The following NUP210 variants were observed in gnomAD, a reference collection of about 807,000 sequenced individuals.
NUP210 encodes the protein nuclear pore membrane glycoprotein 210.
Under a neutral mutation model 196.0 loss-of-function variants are expected in NUP210, and 151 were observed. The ratio of observed to expected loss-of-function variants is 0.77; its 90% confidence interval spans 0.67 to 0.88. The LOEUF (loss-of-function observed/expected upper bound fraction) is 0.88, where lower values mean the gene tolerates loss of function less well. Ranked by LOEUF, NUP210 falls within the 40% of genes least tolerant of loss-of-function variation. NUP210 has a pLI of 0.00. For missense variants in NUP210, 2,314 were observed against 2,493.7 expected (o/e 0.93, Z 1.53); for synonymous variants, 1,070 against 1,052.7 (o/e 1.02, Z -0.32).
At chr3:13,322,406 C>T in intron 34 of NUP210, 67 bp from the exon 35 acceptor site, 1 of 1,569,482 alleles carries the variant, frequency 6.4e-7, no homozygotes, top group Non-Finnish European at 8.7e-7. Flanking sequence ...TTCCACCAGG[C>T]CTGCACAGGC....
intron 20 of NUP210, among the ~76,000 whole-genome samples, chr3:13,344,081 C>T (rs1697628385): frequency 6.6e-6 from 1 of 152,172 alleles, no homozygotes; most frequent in South Asian, 2.1e-4. Context: ...CAGGGTCTCA[C>T]TCTGTCCCCA....
chr3:13,361,931 C>T (rs1439203828), intron 14 of NUP210, among the ~76,000 whole-genome samples: 2 of 152,100 alleles, frequency 1.3e-5, no homozygotes, highest in Non-Finnish European at 2.9e-5. Flanking sequence ...CTCACTTAGG[C>T]GACCCCTCCT....
chr3:13,322,257 C>T lies in NUP210; in HGVS notation c.4851G>A (p.Pro1617=), dbSNP rs147101927. The change falls in exon 35 of 40, where the codon CCG becomes CCA. Residue 1617 remains proline, a synonymous_variant. Transcript: ENST00000254508. ...CTTGAGATGGGAAATCAAAGACGGCCGGCTTGAACTGGGACTGGCAGCTGA... is the reference window on the plus strand; with the variant it reads ...CTTGAGATGGGAAATCAAAGACGGCTGGCTTGAACTGGGACTGGCAGCTGA... The part of the protein sequence containing the change: ...TLISCQSQFK[P]AVFDFPSQDV... The T allele has an allele frequency of 6.3e-4, 1,023 of 1,614,216 alleles. 3 individuals carry two copies. In the African/African-American group the frequency reaches 9.5e-3, roughly 15 times the overall value.
intron 1 of NUP210, among the ~76,000 whole-genome samples, chr3:13,401,906 T>C (rs1292929880): frequency 1.3e-5 from 2 of 150,866 alleles, no homozygotes; most frequent in East Asian, 3.9e-4. Context: ...AAAAAAAAAG[T>C]CTACTCTGCC....
At chr3:13,364,572 T>C (rs773895271) in intron 14 of NUP210, among the ~76,000 whole-genome samples, 5 of 152,162 alleles carry the variant, frequency 3.3e-5, no homozygotes, top group Admixed American at 6.5e-5. Context: ...CTCACGCCTG[T>C]AATCCCAGCA....
At chr3:13,373,050 T>C (rs1168457558) in intron 12 of NUP210, among the ~76,000 whole-genome samples, 1 of 152,184 alleles carries the variant, frequency 6.6e-6, no homozygotes, top group Non-Finnish European at 1.5e-5. Context: ...CTGGCCAGCC[T>C]ATCCATCCCT....
At chr3:13,414,844 G>A (rs999063966) in intron 1 of NUP210, among the ~76,000 whole-genome samples, 5 of 152,118 alleles carry the variant, frequency 3.3e-5, no homozygotes, top group African/African-American at 9.7e-5. Flanking sequence ...TTAATTAACC[G>A]TTTAACTCCG....
At chr3:13,337,041 C>A in intron 26 of NUP210, 123 bp from the exon 27 acceptor site, 1 of 1,235,356 alleles carries the variant, frequency 8.1e-7, no homozygotes, top group Admixed American at 1.9e-5. Context: ...TAGAGAAGAG[C>A]ATGGCACAGG....
chr3:13,357,378 C>T (rs1054680689), intron 16 of NUP210, among the ~76,000 whole-genome samples: 3 of 152,210 alleles, frequency 2.0e-5, no homozygotes, highest in African/African-American at 7.2e-5. Flanking sequence ...TCCCTTGCAG[C>T]GCTTGCCACC....
Position 13,420,136 on chromosome 3 carries a change from G to T in NUP210, c.91C>A (p.Pro31Thr). ...PSAAAAKLNI[P>T]KVLLPFTRAT... is the part of the protein sequence containing the mutation. ...CGCGTGAAGGGCAGCAGCACTTTGG[G>T]GATGTTGAGCTTGGCCGCAGCGGCG... The change falls in exon 1 of 40, where the codon CCC (proline) becomes ACC (threonine). Residue 31 changes from proline (P) to threonine (T), a missense_variant. Transcript: ENST00000254508. This position sits in a 1 kb window ranked among gnomAD's most constrained non-coding sequence, Gnocchi z 4.8. 2 of 1,346,058 alleles carry T rather than the reference G, an allele frequency of 1.5e-6. No individual in the cohort carries two copies. Among genetic ancestry groups the T allele is most frequent in the Non-Finnish European group, 1.9e-6 (2 of 1,028,368 alleles). The allele number at this position is 1,346,058 out of a possible 1,614,324, so 83.4% of individuals were successfully genotyped here.
rs1334454218 is a variant in NUP210 at position 13,397,427 on chromosome 3, G to C, written c.366C>G (p.Val122=). 1 of 1,613,268 alleles carries C rather than the reference G, an allele frequency of 6.2e-7. No individual in the cohort carries two copies. The highest frequency in any genetic ancestry group is 1.1e-5 in the South Asian group (1 of 90,964). Residue 122 remains valine (V), a synonymous_variant, in exon 3 of 40, where the codon GTC becomes GTG. Transcript: ENST00000254508. The part of the protein sequence containing the change: ...IVDLIHDIQI[V]STTRELYLED... ...CCAGGTAGAGCTCGCGGGTGGTGGA[G>C]ACGATCTGGATGTCATGGATGAGGT...
chr3:13,369,344 G>A (rs1698647428), intron 13 of NUP210, among the ~76,000 whole-genome samples: 1 of 152,190 alleles, frequency 6.6e-6, no homozygotes, highest in East Asian at 1.9e-4. Context: ...TATACAATTT[G>A]CAGATGTTTT....
chr3:13,332,354 C>T lies in NUP210; in HGVS notation c.3874G>A (p.Glu1292Lys). The change falls in exon 29 of 40, where the codon GAA (glutamate) becomes AAA (lysine). Residue 1292 changes from glutamate (E) to lysine (K), a missense_variant. Transcript: ENST00000254508. The stretch of plus-strand genomic sequence containing the variant: ...ATTAATATTTGTTCTGCTTCTATTT[C>T]AGGGTTGAGCAGCTGCAGCTTCTCA... The part of the protein sequence containing the change: ...VFEKLQLLNP[E>K]IEAEQILMSP... 6.2e-7 allele frequency: 1 copy of T among 1,613,726 alleles called. No individual in the cohort carries two copies. Among genetic ancestry groups the T allele is most frequent in the Non-Finnish European group, 8.5e-7 (1 of 1,179,794 alleles).
intron 20 of NUP210, chr3:13,351,638 T>G: frequency 2.2e-6 from 1 of 457,596 alleles, no homozygotes; most frequent in East Asian, 4.2e-5. Context: ...AGGCCTGTGC[T>G]ACCATGCCCA....
At position 13,375,614 on chromosome 3, in the gene NUP210, G is replaced by C. The variant is rs371139327; in HGVS notation, c.1321C>G (p.Pro441Ala). The C allele has an allele frequency of 6.2e-7, 1 of 1,613,990 alleles. No individual in the cohort carries two copies. Among genetic ancestry groups the C allele is most frequent in the Admixed American group, 1.7e-5 (1 of 60,014 alleles). ...QDGGVHILQV[P>A]VWNQQEVEIH... is the part of the protein sequence containing the mutation. ...TCCACCTCCTGCTGGTTCCACACAG[G>C]CACCTGTAGTATGTGGACCCCTCCA... Residue 441 changes from proline (P) to alanine (A), a missense_variant, in exon 11 of 40, where the codon CCT becomes GCT. Coordinates refer to ENST00000254508, the MANE Select transcript of NUP210 (RefSeq NM_024923.4).
intron 12 of NUP210, among the ~76,000 whole-genome samples, chr3:13,372,972 G>A (rs1476532489): frequency 6.6e-6 from 1 of 152,210 alleles, no homozygotes; most frequent in Non-Finnish European, 1.5e-5. Flanking sequence ...GGGCCTGTGT[G>A]AAGCCCCCTC....
chr3:13,390,998 C>T (rs1462620841), intron 4 of NUP210, among the ~76,000 whole-genome samples: 1 of 152,232 alleles, frequency 6.6e-6, no homozygotes, highest in Non-Finnish European at 1.5e-5. Context: ...TCACAGGACA[C>T]TCTCTGGGGG....
At chr3:13,319,205 C>A (rs1696401053) in intron 38 of NUP210, 25 bp downstream of exon 38, 1 of 1,611,874 alleles carries the variant, frequency 6.2e-7, no homozygotes, top group Admixed American at 1.7e-5. Flanking sequence ...GGGAACAGAC[C>A]CAGAGATACA....
chr3:13,376,195 A>G, intron 10 of NUP210, 96 bp downstream of exon 10: 1 of 1,314,544 alleles, frequency 7.6e-7, no homozygotes, highest in South Asian at 1.3e-5. Context: ...AGGTGGCCCA[A>G]CTCCCTGGGA....
Sources: allele counts gnomAD v4.1 joint callset (sites outside exome capture counted in the v4.1 genomes callset), GRCh38; gene constraint gnomAD v4.1.1; non-coding constraint Gnocchi (gnomAD v3.1); transcripts MANE v1.5; gene names NCBI Gene and HGNC (gene_info 2026-07-23, HGNC 2026-07-21).